The following PCDHGB6 variants were observed in gnomAD, a reference collection of about 807,000 sequenced individuals.
PCDHGB6 encodes protocadherin gamma-B6.
In PCDHGB6, 51 loss-of-function variants were observed where a neutral mutation model predicts 59.1. The ratio of observed to expected loss-of-function variants is 0.86; its 90% CI spans 0.69 to 1.09. PCDHGB6 has a LOEUF of 1.09. Among genes scored for constraint, PCDHGB6 ranks in the 50% least tolerant of loss-of-function variants. The probability of loss-of-function intolerance (pLI) is 0.00; values close to 1 mark genes in which losing one functional copy is unlikely to be tolerated. For missense variants in PCDHGB6, 1,148 were observed against 1,205.1 expected (o/e 0.95, Z 0.70); for synonymous variants, 466 against 495.1 (o/e 0.94, Z 0.78).
intron 1 of PCDHGB6, chr5:141,422,386 A>G: frequency 1.3e-6 from 2 of 1,587,922 alleles, no homozygotes; most frequent in Non-Finnish European, 1.7e-6. Flanking sequence ...CTCCTGTTTT[A>G]TTCCTAACCA....
intron 1 of PCDHGB6, chr5:141,417,205 C>G (rs1217296715): frequency 6.6e-6 from 1 of 151,986 alleles, no homozygotes; most frequent in Non-Finnish European, 1.5e-5. Context: ...TGAATATAGG[C>G]TAGAATTGAA....
At chr5:141,417,693 A>T in intron 1 of PCDHGB6, 1 of 1,091,256 alleles carries the variant, frequency 9.2e-7, no homozygotes, top group Non-Finnish European at 1.3e-6. Context: ...AAAGAAAACC[A>T]GCTCCCACAC....
intron 1 of PCDHGB6, chr5:141,427,320 G>GT: frequency 2.2e-6 from 1 of 457,086 alleles, no homozygotes; most frequent in Non-Finnish European, 4.4e-6. Context: ...CCCAGACGTG[G>GT]TTTTTACTTC....
intron 1 of PCDHGB6, chr5:141,415,069 A>G (rs1323441877): frequency 1.1e-5 from 18 of 1,613,420 alleles, no homozygotes; most frequent in Non-Finnish European, 1.5e-5. Flanking sequence ...CGAGGTGCGC[A>G]CGGCGCGAGC....
At chr5:141,410,849 C>CTTTTTCT (rs2095432763) in intron 1 of PCDHGB6, 1 of 129,786 alleles carries the variant, frequency 7.7e-6, no homozygotes, top group Non-Finnish European at 1.3e-5. Flanking sequence ...TTGTCTTTGT[C>CTTTTTCT]TTTTTTTTTT....
intron 1 of PCDHGB6, chr5:141,415,585 C>T: frequency 6.2e-7 from 1 of 1,613,900 alleles, no homozygotes; most frequent in Non-Finnish European, 8.5e-7. Context: ...TTCGAAGTTT[C>T]CTATAGAGGA....
chr5:141,446,469 T>C (rs538381725), intron 1 of PCDHGB6, among the ~76,000 whole-genome samples: 2 of 149,740 alleles, frequency 1.3e-5, no homozygotes, highest in South Asian at 4.2e-4. Flanking sequence ...TGATTAGACA[T>C]ATGGTCATCA....
Position 141,476,201 on chromosome 5 carries a change from G to C in PCDHGB6, c.2419-18606G>C. ...GCTTCTGCTTGGTGCCTTGAACAAG[G>C]CTTCCACGGTCATTCACTATGAGAT... is the stretch of plus-strand genomic sequence containing the variant. On this transcript the variant is annotated intron_variant, in intron 1 of 3. Coordinates refer to ENST00000520790, the MANE Select transcript of PCDHGB6 (RefSeq NM_018926.3). This position sits in a 1 kb window ranked among gnomAD's most constrained non-coding sequence, Gnocchi z 7.6. 6.2e-7 allele frequency: 1 copy of C among 1,613,986 alleles called. No individual in the cohort carries two copies. The highest frequency in any genetic ancestry group is 8.5e-7 in the Non-Finnish European group (1 of 1,180,028).
intron 1 of PCDHGB6, chr5:141,478,852 A>G (rs2099480601): frequency 7.3e-7 from 1 of 1,367,502 alleles, no homozygotes; most frequent in African/African-American, 1.5e-5. Flanking sequence ...GCTAAAACAC[A>G]AGATCTCAGC....
chr5:141,444,588 A>G (rs1486905298), intron 1 of PCDHGB6, among the ~76,000 whole-genome samples: 1 of 152,138 alleles, frequency 6.6e-6, no homozygotes, highest in Non-Finnish European at 1.5e-5. Flanking sequence ...CTTTCTACTT[A>G]CCTTATTTAA....
Position 141,444,149 on chromosome 5 carries a change from T to C in PCDHGB6, c.2418+33529T>C, listed in dbSNP as rs180678850. On this transcript the variant is annotated intron_variant, in intron 1 of 3. Transcript: ENST00000520790. ...ACAGATATGTGTCACTTGTGTGTAC[T>C]GGATTTTTTTTTTTTTTTTTTTTTT... Among the ~76,000 whole-genome samples, 383 of 136,820 alleles carry C rather than the reference T, an allele frequency of 2.8e-3. 2 individuals carry two copies. Among genetic ancestry groups the C allele is most frequent in the Middle Eastern group, 0.012 (3 of 252 alleles). 89.8% of individuals were successfully genotyped at this position (136,820 alleles called of 152,430 possible). A position where few individuals can be genotyped will look rare whatever the true frequency, so the allele number is the denominator to read the frequency against.
In PCDHGB6 at chr5:141,408,115, C is replaced by T. The variant is rs2095044760; in HGVS notation, c.-88C>T. The T allele has an allele frequency of 6.8e-7, 1 of 1,461,312 alleles. No homozygotes were observed. Among genetic ancestry groups the T allele is most frequent in the Non-Finnish European group, 9.1e-7 (1 of 1,103,776 alleles). The allele number at this position is 1,461,312 out of a possible 1,614,324, so 90.5% of individuals were successfully genotyped here. On this transcript the variant is annotated 5_prime_UTR_variant, in exon 1 of 4. Coordinates refer to ENST00000520790, the MANE Select transcript of PCDHGB6 (RefSeq NM_018926.3). The stretch of plus-strand genomic sequence containing the variant: ...CCAGCTCCGAGACCCGGGACTCCTC[C>T]TGTCCTGGGCCGAATGCTCTTTTAG...
At chr5:141,450,826 A>C (rs965147554) in intron 1 of PCDHGB6, among the ~76,000 whole-genome samples, 1 of 134,302 alleles carries the variant, frequency 7.4e-6, no homozygotes, top group African/African-American at 2.9e-5. Context: ...TATTATTATT[A>C]TTATTTTTTT....
intron 1 of PCDHGB6, chr5:141,421,025 A>G: frequency 5.7e-6 from 3 of 526,286 alleles, no homozygotes; most frequent in East Asian, 3.2e-5. Context: ...GCTGCGCGCC[A>G]TTGAGTCCCT....
At position 141,477,401 on chromosome 5, in the gene PCDHGB6, G is replaced by T. The variant is rs781253466; in HGVS notation, c.2419-17406G>T. On this transcript the variant is annotated intron_variant, in intron 1 of 3. Coordinates refer to ENST00000520790, the MANE Select transcript of PCDHGB6 (RefSeq NM_018926.3). The surrounding 1 kb of genome is among the most constrained non-coding windows in gnomAD (Gnocchi z 4.9). ...GCCAGAATACAACCTCAGCATCACC[G>T]CCCGAGACGCCGGAACCCCTTCCCT... 8 of 1,613,960 alleles carry T rather than the reference G, an allele frequency of 5.0e-6. No homozygotes were observed. The highest frequency in any genetic ancestry group is 4.5e-5 in the East Asian group (2 of 44,890).
chr5:141,421,195 G>C (rs1305388921), intron 1 of PCDHGB6: 2 of 1,504,878 alleles, frequency 1.3e-6, no homozygotes, highest in Non-Finnish European at 1.8e-6. Context: ...CAACCAGCTC[G>C]AGAAACCGCG....
chr5:141,475,928 G>A, intron 1 of PCDHGB6: 1 of 630,590 alleles, frequency 1.6e-6, no homozygotes, highest in Non-Finnish European at 2.7e-6. Context: ...TGGAGATCGG[G>A]CCCCTGCCCG....
intron 1 of PCDHGB6, among the ~76,000 whole-genome samples, chr5:141,492,337 C>T (rs559700346): frequency 1.0e-3 from 158 of 152,324 alleles, no homozygotes; most frequent in African/African-American, 3.7e-3. Flanking sequence ...TACGCGAATA[C>T]CAGCTTTCAC....
intron 1 of PCDHGB6, among the ~76,000 whole-genome samples, chr5:141,437,741 C>CTTT (rs35124340): frequency 4.2e-5 from 6 of 141,750 alleles, no homozygotes; most frequent in Admixed American, 7.0e-5. Flanking sequence ...TTGAGTTCAC[C>CTTT]TTTTTTTTTT....
Sources: gnomAD v4.1 joint callset for allele counts (sites outside exome capture counted in the v4.1 genomes callset) on GRCh38, gnomAD v4.1.1 for gene constraint, Gnocchi (gnomAD v3.1) non-coding constraint, MANE v1.5 for transcripts, NCBI Gene and HGNC (gene_info 2026-07-23, HGNC 2026-07-21) for gene names.